The following MYH10 variants were observed in gnomAD, a reference collection of about 807,000 sequenced individuals.
The protein encoded by MYH10 is myosin-10.
A neutral mutation model predicts 257.8 loss-of-function variants in MYH10; 55 were observed. The ratio of observed to expected loss-of-function variants is 0.21; its 90% confidence interval spans 0.17 to 0.27. MYH10 has a LOEUF of 0.27. Ranked by LOEUF, MYH10 falls within the 10% of genes least tolerant of loss-of-function variation. The probability of loss-of-function intolerance (pLI) is 1.00; values close to 1 mark genes in which losing one functional copy is unlikely to be tolerated. For missense variants in MYH10, 1,631 were observed against 2,500.6 expected (o/e 0.65, Z 7.42); for synonymous variants, 854 against 921.7 (o/e 0.93, Z 1.33).
At chr17:8,624,948 C>A (rs141369022) in intron 1 of MYH10, among the ~76,000 whole-genome samples, 105 of 152,170 alleles carry the variant, frequency 6.9e-4, no homozygotes, top group African/African-American at 2.5e-3. Context: ...TTAACTACTA[C>A]TAATAATTTA....
intron 2 of MYH10, among the ~76,000 whole-genome samples, chr17:8,615,677 G>GA (rs1361846039): frequency 6.6e-6 from 1 of 151,970 alleles, no homozygotes; most frequent in East Asian, 1.9e-4. Context: ...AAAATAAGAA[G>GA]AAAAATCACA....
intron 16 of MYH10, among the ~76,000 whole-genome samples, chr17:8,534,651 G>A (rs1302731642): frequency 6.6e-6 from 1 of 152,204 alleles, no homozygotes; most frequent in East Asian, 1.9e-4. Context: ...TACTGAACAG[G>A]TCTGGCCTCA....
At chr17:8,486,679 T>A (rs939928206) in intron 36 of MYH10, among the ~76,000 whole-genome samples, 8 of 152,072 alleles carry the variant, frequency 5.3e-5, no homozygotes, top group African/African-American at 1.4e-4. Context: ...TATGTGAAAA[T>A]GTATACACAC....
intron 2 of MYH10, among the ~76,000 whole-genome samples, chr17:8,608,290 A>G (rs548746129): frequency 6.6e-6 from 1 of 152,202 alleles, no homozygotes; most frequent in Non-Finnish European, 1.5e-5. Flanking sequence ...AAGCAGGAAG[A>G]CACGTGGAGA....
chr17:8,495,540 AAAATT>A (rs894883819), intron 30 of MYH10, among the ~76,000 whole-genome samples: 1 of 152,202 alleles, frequency 6.6e-6, no homozygotes, highest in African/African-American at 2.4e-5. Context: ...TGAAGATACA[AAAATT>A]AAAGCAAAGC....
chr17:8,490,327 C>G lies in MYH10; in HGVS notation c.4884+13G>C. ...TGCACCCCTTGTTGTGGAGGCCGCA[C>G]CCTCTGCCCTACCTGTTTGATCAGC... is the stretch of plus-strand genomic sequence containing the variant. On this transcript the variant is annotated intron_variant, in intron 35 of 42. Transcript: ENST00000360416. The surrounding 1 kb of genome is among the most constrained non-coding windows in gnomAD (Gnocchi z 4.1). The G allele has an allele frequency of 1.2e-6, 2 of 1,612,300 alleles. No individual in the cohort carries two copies. Among genetic ancestry groups the G allele is most frequent in the Non-Finnish European group, 1.7e-6 (2 of 1,179,774 alleles).
intron 4 of MYH10, among the ~76,000 whole-genome samples, chr17:8,587,345 T>C (rs2083948996): frequency 6.6e-6 from 1 of 152,122 alleles, no homozygotes; most frequent in South Asian, 2.1e-4. Context: ...CTAATTTATA[T>C]AACTCCTCAA....
In MYH10 at chr17:8,569,768, T is replaced by C. The variant is rs1251740366; in HGVS notation, c.708A>G (p.Glu236=). 3.7e-6 allele frequency: 6 copies of C among 1,612,386 alleles called. No individual in the cohort carries two copies. The highest frequency in any genetic ancestry group is 5.1e-6 in the Non-Finnish European group (6 of 1,179,286). The change falls in exon 7 of 43, where the codon GAA becomes GAG. Residue 236 remains glutamate (E), a synonymous_variant. Coordinates refer to ENST00000360416, the MANE Select transcript of MYH10 (RefSeq NM_001256012.3). This position sits in a 1 kb window ranked among gnomAD's most constrained non-coding sequence, Gnocchi z 4.1. ...TCACAGTCTTCGCATTTCCAAATGATTCCAGAATTGGATTTGCTTGCAAAA... is the reference window on the plus strand; with the variant it reads ...TCACAGTCTTCGCATTTCCAAATGACTCCAGAATTGGATTTGCTTGCAAAA... ...RQLLQANPIL[E]SFGNAKTVKN...
Position 8,477,469 on chromosome 17 carries a change from T to A in MYH10, c.5707-421A>T, listed in dbSNP as rs1293269340. Reference sequence around the variant, plus strand: ...TTACACCTCCTTTCAAGGATGGGCATCTCAGATACTAGACTTGGATTCAAG... The same window carrying A: ...TTACACCTCCTTTCAAGGATGGGCAACTCAGATACTAGACTTGGATTCAAG... On this transcript the variant is annotated intron_variant, in intron 41 of 42. Transcript: ENST00000360416. The surrounding 1 kb of genome is among the most constrained non-coding windows in gnomAD (Gnocchi z 4.2). 6.6e-6 allele frequency among the ~76,000 whole-genome samples: 1 copy of A among 152,094 alleles called. No homozygotes were observed. The highest frequency in any genetic ancestry group is 1.5e-5 in the Non-Finnish European group (1 of 68,024).
At chr17:8,514,613 C>T (rs182269780) in intron 21 of MYH10, among the ~76,000 whole-genome samples, 5 of 152,210 alleles carry the variant, frequency 3.3e-5, no homozygotes, top group Admixed American at 3.3e-4. Context: ...TTCAGGAACA[C>T]AGAAACCCTC....
intron 2 of MYH10, among the ~76,000 whole-genome samples, chr17:8,618,270 T>TG (rs2085340591): frequency 6.7e-6 from 1 of 148,648 alleles, no homozygotes; most frequent in Non-Finnish European, 1.5e-5. Context: ...TTTTTTGAGA[T>TG]GGAGTTTCGC....
intron 7 of MYH10, among the ~76,000 whole-genome samples, chr17:8,557,307 A>T (rs909951262): frequency 6.6e-6 from 1 of 152,004 alleles, no homozygotes; most frequent in Admixed American, 6.6e-5. Flanking sequence ...TTTTCCTATT[A>T]AAAAAAACCC....
At position 8,496,329 on chromosome 17, in the gene MYH10, G is replaced by C. The variant is rs563353948; in HGVS notation, c.3952-1088C>G. On this transcript the variant is annotated intron_variant, in intron 30 of 42. Coordinates refer to ENST00000360416, the MANE Select transcript of MYH10 (RefSeq NM_001256012.3). ...GCTGTAACGCTTCCATGGTCACTCT[G>C]TTTAGCAACATCCTTCACAGAGCTC... is the stretch of plus-strand genomic sequence containing the variant. Among the ~76,000 whole-genome samples the C allele has an allele frequency of 1.2e-4, 19 of 152,296 alleles. No homozygotes were observed. In the South Asian group the frequency reaches 3.5e-3, roughly 28 times the overall value.
chr17:8,487,225 T>A (rs1400200061), intron 36 of MYH10, among the ~76,000 whole-genome samples: 6 of 152,240 alleles, frequency 3.9e-5, no homozygotes, highest in Non-Finnish European at 8.8e-5. Flanking sequence ...GCCAGCATGA[T>A]GCCTCCACCC....
chr17:8,507,082 C>T (rs2151861182), intron 26 of MYH10, among the ~76,000 whole-genome samples: 1 of 152,332 alleles, frequency 6.6e-6, no homozygotes, highest in African/African-American at 2.4e-5. Context: ...TTTGTGTTCT[C>T]CACCAGGAAC....
chr17:8,542,355 TA>T (rs1050752680), intron 13 of MYH10, 75 bp from the exon 14 acceptor site: 1 of 1,377,036 alleles, frequency 7.3e-7, no homozygotes. Context: ...TATGTAGTTA[TA>T]AAAAAATTTT....
rs1282490980 is a variant in MYH10, at chr17:8,585,288, G to GTGTATATATATATATATATATATATATA, written c.530+3792_530+3793insTATATATATATATATATATATATATACA. On this transcript the variant is annotated intron_variant, in intron 4 of 42. Transcript: ENST00000360416. ...TATATATATGTGCATGTGTGTGTGTGTATATATATATATATATAGCTACAT... is the reference window on the plus strand; with the variant it reads ...TATATATATGTGCATGTGTGTGTGTGTGTATATATATATATATATATATATATATATATATATATATATATAGCTACAT... 4.0e-5 allele frequency among the ~76,000 whole-genome samples: 4 copies of GTGTATATATATATATATATATATATATA among 99,330 alleles called. 1 individual carries two copies. Among genetic ancestry groups the GTGTATATATATATATATATATATATATA allele is most frequent in the East Asian group, 7.0e-4 (2 of 2,842 alleles). 65.2% of individuals were successfully genotyped at this position (99,330 alleles called of 152,430 possible).
chr17:8,550,732 G>C (rs2082612843), intron 9 of MYH10, among the ~76,000 whole-genome samples: 2 of 152,034 alleles, frequency 1.3e-5, no homozygotes, highest in Admixed American at 1.3e-4. Context: ...TGAGAAATCG[G>C]ATGGTTGCCG....
chr17:8,615,132 A>T (rs918746699), intron 2 of MYH10, among the ~76,000 whole-genome samples: 2 of 152,070 alleles, frequency 1.3e-5, no homozygotes, highest in Non-Finnish European at 2.9e-5. Flanking sequence ...CATCTCTATT[A>T]AAAAATACAG....
Sources: gnomAD v4.1 joint callset for allele counts (sites outside exome capture counted in the v4.1 genomes callset) on GRCh38, gnomAD v4.1.1 for gene constraint, Gnocchi (gnomAD v3.1) non-coding constraint, MANE v1.5 for transcripts, NCBI Gene and HGNC (gene_info 2026-07-23, HGNC 2026-07-21) for gene names.